SLC24A2: variants seen among roughly 807,000 people sequenced by gnomAD.
The protein encoded by SLC24A2 is solute carrier family 24 member 2.
Under a neutral mutation model 62.0 loss-of-function variants are expected in SLC24A2, and 36 were observed. The observed-to-expected ratio is 0.58, with a 90% CI of 0.44 to 0.77. The LOEUF (loss-of-function observed/expected upper bound fraction) is 0.77, where lower values mean the gene tolerates loss of function less well. SLC24A2 is among the 30% of genes least tolerant of loss of function. The pLI is 0.00. For missense variants in SLC24A2, 846 were observed against 817.9 expected, an observed-to-expected ratio of 1.03 and a Z score of -0.42; for synonymous variants, 358 against 294.0, an observed-to-expected ratio of 1.22 and a Z score of -2.23.
rs750974584 is a variant in SLC24A2 at position 19,516,375 on chromosome 9, G to A, written c.1764C>T (p.Thr588=). 5.3e-5 allele frequency: 86 copies of A among 1,613,892 alleles called. No individual in the cohort carries two copies. Among genetic ancestry groups the A allele is most frequent in the Non-Finnish European group, 6.9e-5 (82 of 1,179,954 alleles). ...CCACTGGCTGGAATCTGTGAATGAC[G>A]GTGTACAGGAGCCAGGGCAGTGGGA... is the stretch of plus-strand genomic sequence containing the variant. ...VGLPLPWLLY[T]VIHRFQPVAV... The change falls in exon 11 of 11, where the codon ACC becomes ACT. Residue 588 remains threonine, a synonymous_variant. Coordinates refer to ENST00000341998, the MANE Select transcript of SLC24A2 (RefSeq NM_020344.4).
chr9:19,713,508 G>C (rs1178054345), intron 2 of SLC24A2, among the ~76,000 whole-genome samples: 1 of 152,114 alleles, frequency 6.6e-6, no homozygotes, highest in African/African-American at 2.4e-5. Flanking sequence ...GCAAGTTTGA[G>C]ACCTAAAATT....
the SLC24A2 span, among the ~76,000 whole-genome samples, chr9:20,119,203 A>C: frequency 6.6e-6 from 1 of 152,160 alleles, no homozygotes; most frequent in Non-Finnish European, 1.5e-5. Flanking sequence ...CCTTCCAACG[A>C]GAATATAGCA....
the SLC24A2 span, among the ~76,000 whole-genome samples, chr9:20,125,949 T>G: frequency 1.3e-5 from 2 of 152,178 alleles, no homozygotes; most frequent in Admixed American, 1.3e-4. Flanking sequence ...CCAGAGGATC[T>G]GGGAGGGGAG....
At chr9:19,780,872 C>CAAAAAAA (rs373405657) in intron 2 of SLC24A2, among the ~76,000 whole-genome samples, 1 of 36,252 alleles carries the variant, frequency 2.8e-5, no homozygotes, top group African/African-American at 8.7e-5. Flanking sequence ...GACTCCGTCT[C>CAAAAAAA]AAAAAAAAAA....
chr9:19,724,754 T>TTA (rs1450195669), intron 2 of SLC24A2, among the ~76,000 whole-genome samples: 3 of 152,176 alleles, frequency 2.0e-5, no homozygotes, highest in Non-Finnish European at 2.9e-5. Flanking sequence ...TAAAAAATAT[T>TTA]TAAAGTCTTT....
chr9:20,113,381 C>A, the SLC24A2 span, among the ~76,000 whole-genome samples: 1 of 152,166 alleles, frequency 6.6e-6, no homozygotes, highest in East Asian at 1.9e-4. Context: ...ACTGTTTGAG[C>A]ATTAAATGAT....
chr9:20,139,357 G>A, the SLC24A2 span, among the ~76,000 whole-genome samples: 1 of 152,174 alleles, frequency 6.6e-6, no homozygotes, highest in African/African-American at 2.4e-5. Flanking sequence ...CCCATAAAAT[G>A]GGGATGGCAG....
the SLC24A2 span, among the ~76,000 whole-genome samples, chr9:19,832,312 G>A: frequency 6.6e-6 from 1 of 152,222 alleles, no homozygotes; most frequent in Non-Finnish European, 1.5e-5. Context: ...ACTTCAAGTT[G>A]TATCAGTGAA....
the SLC24A2 span, among the ~76,000 whole-genome samples, chr9:20,196,249 C>G: frequency 6.6e-6 from 1 of 152,140 alleles, no homozygotes. Flanking sequence ...TAGGGAGATA[C>G]CTGCCTAGCT....
At chr9:20,159,604 G>C in the SLC24A2 span, among the ~76,000 whole-genome samples, 1 of 151,336 alleles carries the variant, frequency 6.6e-6, no homozygotes, top group East Asian at 1.9e-4. Context: ...CCAAAAGTGA[G>C]AAAATGAGGA....
intron 2 of SLC24A2, among the ~76,000 whole-genome samples, chr9:19,717,581 G>C (rs986419280): frequency 5.3e-5 from 8 of 152,174 alleles, no homozygotes; most frequent in Non-Finnish European, 1.2e-4. Flanking sequence ...TTTTAAAAGA[G>C]TTATAGAAAA....
chr9:19,637,420 T>C (rs981188561), intron 2 of SLC24A2, among the ~76,000 whole-genome samples: 3 of 152,238 alleles, frequency 2.0e-5, no homozygotes, highest in Admixed American at 2.0e-4. Context: ...GTGTTTGTTC[T>C]AACTATTGCC....
chr9:19,819,490 C>G, the SLC24A2 span, among the ~76,000 whole-genome samples: 11 of 151,984 alleles, frequency 7.2e-5, no homozygotes, highest in Non-Finnish European at 4.4e-5. Context: ...CGAACTCAAA[C>G]AATCAGTAAG....
the SLC24A2 span, among the ~76,000 whole-genome samples, chr9:19,954,898 C>T: frequency 6.6e-6 from 1 of 152,116 alleles, no homozygotes; most frequent in East Asian, 1.9e-4. Context: ...TTTAAATCAG[C>T]AAACTGACAT....
At chr9:20,003,224 T>A in the SLC24A2 span, among the ~76,000 whole-genome samples, 1 of 152,192 alleles carries the variant, frequency 6.6e-6, no homozygotes, top group Non-Finnish European at 1.5e-5. Context: ...AACACACTTA[T>A]ACAAAACTAT....
chr9:19,787,830 C>G (rs1823221134), intron 1 of SLC24A2, among the ~76,000 whole-genome samples: 1 of 152,132 alleles, frequency 6.6e-6, no homozygotes, highest in African/African-American at 2.4e-5. Context: ...TTTCGAGAGA[C>G]CACATGTGTA....
the SLC24A2 span, among the ~76,000 whole-genome samples, chr9:19,919,098 G>A: frequency 6.6e-6 from 1 of 152,180 alleles, no homozygotes; most frequent in South Asian, 2.1e-4. Context: ...TTTATTACCA[G>A]AAAGTACCTA....
At chr9:19,694,819 T>C (rs936099499) in intron 2 of SLC24A2, among the ~76,000 whole-genome samples, 1 of 152,136 alleles carries the variant, frequency 6.6e-6, no homozygotes, top group Admixed American at 6.6e-5. Context: ...ACTAGGAGGC[T>C]TGGACTCAGA....
the SLC24A2 span, among the ~76,000 whole-genome samples, chr9:20,090,878 A>G: frequency 6.6e-6 from 1 of 152,234 alleles, no homozygotes; most frequent in Non-Finnish European, 1.5e-5. Flanking sequence ...TGACAGAAAC[A>G]TAATTCAGAA....
Sources: allele counts gnomAD v4.1 joint callset (sites outside exome capture counted in the v4.1 genomes callset), GRCh38; gene constraint gnomAD v4.1.1; transcripts MANE v1.5; gene names NCBI Gene and HGNC (gene_info 2026-07-23, HGNC 2026-07-21).